STOX2: variants seen among roughly 807,000 people sequenced by gnomAD.
STOX2 encodes storkhead-box protein 2.
A neutral mutation model predicts 60.9 loss-of-function variants in STOX2; 28 were observed. The ratio of observed to expected loss-of-function variants is 0.46; its 90% CI spans 0.34 to 0.63. The LOEUF is 0.63. STOX2 is among the 30% of genes least tolerant of loss of function. The pLI is 0.01. For synonymous variants in STOX2, 472 were observed against 463.9 expected (o/e 1.02, Z -0.22); for missense variants, 1,024 against 1,187.7 (o/e 0.86, Z 2.03).
chr4:183,882,436 G>A (rs1740979960), intron 1 of STOX2, among the ~76,000 whole-genome samples: 1 of 152,180 alleles, frequency 6.6e-6, no homozygotes, highest in African/African-American at 2.4e-5. Context: ...TTAATCCCGG[G>A]ATATTGCAAG....
At chr4:183,875,369 A>G (rs954346621) in intron 1 of STOX2, among the ~76,000 whole-genome samples, 2 of 151,968 alleles carry the variant, frequency 1.3e-5, no homozygotes, top group African/African-American at 2.4e-5. Context: ...GAAGGAGGCA[A>G]TTGTGGTTTT....
chr4:183,869,997 ATTTG>A (rs1253643895), intron 1 of STOX2, among the ~76,000 whole-genome samples: 1 of 152,166 alleles, frequency 6.6e-6, no homozygotes, highest in Non-Finnish European at 1.5e-5. Context: ...CTTTCCCAAA[ATTTG>A]TTTATGGCCT....
intron 1 of STOX2, among the ~76,000 whole-genome samples, chr4:183,887,427 G>A (rs1439436998): frequency 6.6e-6 from 1 of 152,206 alleles, no homozygotes; most frequent in African/African-American, 2.4e-5. Flanking sequence ...TGTTTCCTTA[G>A]AAAGGAAACT....
chr4:183,925,526 G>A (rs1273571492), intron 1 of STOX2, among the ~76,000 whole-genome samples: 2 of 152,054 alleles, frequency 1.3e-5, no homozygotes, highest in African/African-American at 4.8e-5. Flanking sequence ...AATAATTCCA[G>A]TTGGAGTCTA....
chr4:184,001,127 C>G lies in STOX2; in HGVS notation c.167-198C>G, dbSNP rs574505388. On this transcript the variant is annotated intron_variant, in intron 1 of 3. Transcript: ENST00000308497. The surrounding 1 kb of genome is among the most constrained non-coding windows in gnomAD (Gnocchi z 4.2). ...TTATTTGTTGAGGCAGTAGGAGCTT[C>G]CACTGCGTGTGGAAGTCTTTCCACC... is the stretch of plus-strand genomic sequence containing the variant. Among the ~76,000 whole-genome samples the G allele has an allele frequency of 6.6e-6, 1 of 152,242 alleles. No homozygotes were observed. The highest frequency in any genetic ancestry group is 2.1e-4 in the South Asian group (1 of 4,818).
intron 1 of STOX2, among the ~76,000 whole-genome samples, chr4:183,954,591 T>G (rs149223214): frequency 2.6e-4 from 39 of 150,894 alleles, no homozygotes; most frequent in African/African-American, 9.5e-4. Context: ...CCAAGCCCGC[T>G]TTTGTTTTTA....
At position 183,849,971 on chromosome 4, in the gene STOX2, C is replaced by CT. The variant is rs567356241; in HGVS notation, c.364+51925dup. On this transcript the variant is annotated intron_variant, in intron 1 of 2. Transcript: ENST00000513034. ...TTTTTTCTTTTCTTTTTCTTTCTTT[C>CT]TTTTTTTTTGAGATGGAGTTTCACT... is the stretch of plus-strand genomic sequence containing the variant. Among the ~76,000 whole-genome samples, 421 of 149,622 alleles carry CT rather than the reference C, an allele frequency of 2.8e-3. 5 individuals carry two copies. In the South Asian group the frequency reaches 0.031, roughly 11 times the overall value.
intron 1 of STOX2, among the ~76,000 whole-genome samples, chr4:183,828,195 A>G (rs532377840): frequency 8.5e-5 from 13 of 152,178 alleles, no homozygotes; most frequent in African/African-American, 3.1e-4. Flanking sequence ...TTGAGGCTGG[A>G]GAAAGAGACT....
chr4:184,016,672 T>C (rs1197706385), intron 3 of STOX2, among the ~76,000 whole-genome samples: 1 of 152,132 alleles, frequency 6.6e-6, no homozygotes, highest in Non-Finnish European at 1.5e-5. Flanking sequence ...AGGATAAAAT[T>C]ATCGAGTGTG....
chr4:184,010,296 A>T lies in STOX2; in HGVS notation c.1458A>T (p.Lys486Asn). 4.4e-6 allele frequency: 7 copies of T among 1,595,480 alleles called. No individual in the cohort carries two copies. Among genetic ancestry groups the T allele is most frequent in the Non-Finnish European group, 5.1e-6 (6 of 1,171,042 alleles). Reference protein sequence around the residue: ...DRRSRNERSNKAKERSRSMDN... With the variant: ...DRRSRNERSNNAKERSRSMDN... ...GGTCCAGGAATGAGAGATCCAACAA[A>T]GCCAAGGAGAGATCCAGGTCGATGG... The change falls in exon 3 of 4, where the codon AAA becomes AAT. Residue 486 changes from lysine (K) to asparagine (N), a missense_variant. Coordinates refer to ENST00000308497, the MANE Select transcript of STOX2 (RefSeq NM_020225.3). The surrounding 1 kb of genome is among the most constrained non-coding windows in gnomAD (Gnocchi z 4.5).
chr4:183,953,136 A>G (rs56111594), intron 1 of STOX2, among the ~76,000 whole-genome samples: 47,946 of 151,800 alleles, frequency 0.32, 8,036 homozygotes, highest in African/African-American at 0.39. Flanking sequence ...ATGTATACCT[A>G]TGTAACAAAC....
At chr4:183,966,850 C>G (rs1245028180) in intron 1 of STOX2, among the ~76,000 whole-genome samples, 1 of 152,168 alleles carries the variant, frequency 6.6e-6, no homozygotes, top group Non-Finnish European at 1.5e-5. Flanking sequence ...CTTGATAGAA[C>G]TCGATCAATG....
intron 1 of STOX2, among the ~76,000 whole-genome samples, chr4:183,989,355 A>G (rs901081517): frequency 2.0e-5 from 3 of 151,940 alleles, no homozygotes; most frequent in Non-Finnish European, 4.4e-5. Flanking sequence ...GGCACGTGCC[A>G]CCACGCCTGG....
Position 183,988,266 on chromosome 4 carries a change from C to G in STOX2, c.167-13059C>G, listed in dbSNP as rs558508477. 1.1e-4 allele frequency: 16 copies of G among 152,048 alleles called. No individual in the cohort carries two copies. In the East Asian group the frequency reaches 3.1e-3, roughly 30 times the overall value. 9.4% of individuals were successfully genotyped at this position (152,048 alleles called of 1,614,324 possible). ...GTTGGCTGATCCGTCCCTGTGACTT[C>G]ACTTTGCAGAGAACAAGCAGAAGAG... On this transcript the variant is annotated intron_variant, in intron 1 of 3. Transcript: ENST00000308497.
At chr4:183,876,083 T>C (rs1242582731) in intron 1 of STOX2, among the ~76,000 whole-genome samples, 1 of 152,210 alleles carries the variant, frequency 6.6e-6, no homozygotes, top group Non-Finnish European at 1.5e-5. Flanking sequence ...GCATGTTGCC[T>C]ATGTTCACCT....
At chr4:183,946,627 G>GTTTT (rs66484161) in intron 1 of STOX2, among the ~76,000 whole-genome samples, 1 of 131,366 alleles carries the variant, frequency 7.6e-6, no homozygotes, top group African/African-American at 2.9e-5. Flanking sequence ...CATAGTTGTG[G>GTTTT]TTTTTTTTTT....
Position 183,992,101 on chromosome 4 carries a change from T to C in STOX2, c.167-9224T>C, listed in dbSNP as rs544248934. On this transcript the variant is annotated intron_variant, in intron 1 of 3. Coordinates refer to ENST00000308497, the MANE Select transcript of STOX2 (RefSeq NM_020225.3). ...TCTTTCATGCCTCTGAATTCTGACA[T>C]AGTCCTTTCATAATGACCTCCATGG... Among the ~76,000 whole-genome samples, 7 of 152,308 alleles carry C rather than the reference T, an allele frequency of 4.6e-5. No homozygotes were observed. The South Asian group carries it at 1.5e-3, about 32-fold the overall frequency.
intron 1 of STOX2, among the ~76,000 whole-genome samples, chr4:183,938,164 A>C (rs1742640362): frequency 6.6e-6 from 1 of 152,058 alleles, no homozygotes; most frequent in Admixed American, 6.5e-5. Flanking sequence ...ACAAAACAAA[A>C]CAGTTCTGAA....
chr4:183,967,972 T>C (rs1042667327), intron 1 of STOX2, among the ~76,000 whole-genome samples: 2 of 152,022 alleles, frequency 1.3e-5, no homozygotes, highest in African/African-American at 4.8e-5. Flanking sequence ...ACTAAGAAAA[T>C]AACTGAAACT....
Sources: allele counts gnomAD v4.1 joint callset (sites outside exome capture counted in the v4.1 genomes callset), GRCh38; gene constraint gnomAD v4.1.1; non-coding constraint Gnocchi (gnomAD v3.1); transcripts MANE v1.5; gene names NCBI Gene and HGNC (gene_info 2026-07-23, HGNC 2026-07-21).